Variants in ATG9B observed in about 807,000 individuals in gnomAD.
ATG9B encodes autophagy related 9B, also known as autophagy-related protein 9B.
A neutral mutation model predicts 92.9 loss-of-function variants in ATG9B; 92 were observed. The observed-to-expected ratio is 0.99, with a 90% CI of 0.84 to 1.18. ATG9B has a LOEUF of 1.18. ATG9B is among the 50% of genes most tolerant of loss of function. The pLI is 0.00. For missense variants in ATG9B, 1,344 were observed against 1,235.0 expected (o/e 1.09, Z -1.32); for synonymous variants, 599 against 551.4 (o/e 1.09, Z -1.21).
Position 151,018,739 on chromosome 7 carries a change from G to C in ATG9B, c.1599C>G (p.Phe533Leu), listed in dbSNP as rs1795621365. 6.3e-7 allele frequency: 1 copy of C among 1,575,732 alleles called. No individual in the cohort carries two copies. The highest frequency in any genetic ancestry group is 8.6e-7 in the Non-Finnish European group (1 of 1,165,992). Residue 533 changes from phenylalanine to leucine, a missense_variant, in exon 6 of 14, where the codon TTC becomes TTG. By Grantham distance (22) the Phe-to-Leu change is conservative (BLOSUM62 0). Coordinates refer to ENST00000639579, the MANE Select transcript of ATG9B (RefSeq NM_001317056.2). This position sits in a 1 kb window ranked among gnomAD's most constrained non-coding sequence, Gnocchi z 4.7. ...GCGCGGCGAAGAGTGCACCCGCGAAGAAAACGAGCTGGCGGGCCAGCAGCG... is the reference window on the plus strand; with the variant it reads ...GCGCGGCGAAGAGTGCACCCGCGAACAAAACGAGCTGGCGGGCCAGCAGCG... ...LRTLLARQLVFFAGALFAALL... is the reference protein window; with the variant it reads ...LRTLLARQLVLFAGALFAALL...
Position 151,016,428 on chromosome 7 carries a change from C to T in ATG9B, c.2520+3G>A. 6.4e-7 allele frequency: 1 copy of T among 1,551,278 alleles called. No homozygotes were observed. Among genetic ancestry groups the T allele is most frequent in the South Asian group, 1.2e-5 (1 of 84,044 alleles). ...TTTCTCCTTTGGGCACCCCTCTACT[C>T]ACCTGGTGCAGGTAGATGACATGGA... On this transcript the variant is annotated splice_donor_region_variant and intron_variant, in intron 11 of 13. Transcript: ENST00000639579.
downstream of ATG9B, chr7:151,012,211 G>GT: frequency 1.4e-6 from 1 of 689,922 alleles, no homozygotes; most frequent in Non-Finnish European, 2.3e-6. Context: ...AAGTAGAGTT[G>GT]TTTTTTGTTT....
downstream of ATG9B, chr7:151,013,666 G>A (rs922296337): frequency 2.2e-6 from 3 of 1,340,312 alleles, no homozygotes; most frequent in Admixed American, 2.3e-5. Context: ...CAGCAGCCCC[G>A]GGCTGCGCCC....
In ATG9B at chr7:151,023,949, G is replaced by A. The variant is rs780496371; in HGVS notation, c.475C>T (p.Pro159Ser). 6 of 1,590,282 alleles carry A rather than the reference G, an allele frequency of 3.8e-6. No individual in the cohort carries two copies. Among genetic ancestry groups the A allele is most frequent in the Admixed American group, 1.8e-5 (1 of 56,240 alleles). ...ATGGGTGAGTCTTGGGACCCCTCAG[G>A]GTCACAGTCCTCCAGCCGCTCATAA... is the stretch of plus-strand genomic sequence containing the variant. ...QDYERLEDCDPEGSQDSPIHG... is the reference protein window; with the variant it reads ...QDYERLEDCDSEGSQDSPIHG... Residue 159 changes from proline (P) to serine (S), a missense_variant, in exon 1 of 14, where the codon CCT (proline) becomes TCT (serine). Pro to Ser is a moderately conservative substitution (Grantham distance 74). Coordinates refer to ENST00000639579, the MANE Select transcript of ATG9B (RefSeq NM_001317056.2).
At position 151,024,090 on chromosome 7, in the gene ATG9B, G is replaced by T; in HGVS notation, c.334C>A (p.Pro112Thr). 1 of 1,605,846 alleles carries T rather than the reference G, an allele frequency of 6.2e-7. No homozygotes were observed. The highest frequency in any genetic ancestry group is 8.5e-7 in the Non-Finnish European group (1 of 1,176,448). The change falls in exon 1 of 14, where the codon CCC (proline) becomes ACC (threonine). Residue 112 changes from proline to threonine, a missense_variant. Transcript: ENST00000639579. Reference protein sequence around the residue: ...QPAMTPASASPSWGSHSTPPL... With the variant: ...QPAMTPASASTSWGSHSTPPL... ...GGGGTGGAGTGGGATCCCCAGGAGG[G>T]AGATGCAGAGGCAGGTGTCATTGCA...
Position 151,018,005 on chromosome 7 carries a change from A to T in ATG9B, c.1918T>A (p.Phe640Ile). The change falls in exon 8 of 14, where the codon TTT (phenylalanine) becomes ATT (isoleucine). Residue 640 changes from phenylalanine (F) to isoleucine (I), a missense_variant. Phe to Ile is a conservative substitution (Grantham distance 21, BLOSUM62 0). Transcript: ENST00000639579. This position sits in a 1 kb window ranked among gnomAD's most constrained non-coding sequence, Gnocchi z 4.7. ...CGAGGGCGGAACCAGAAAAGCAGAA[A>T]CAGCGGGGTGAGGAGCGGGGACAGG... is the stretch of plus-strand genomic sequence containing the variant. ...ELLSPLLTPLFLLFWFRPRAL... is the reference protein window; with the variant it reads ...ELLSPLLTPLILLFWFRPRAL... The T allele has an allele frequency of 1.2e-5, 19 of 1,602,978 alleles. No homozygotes were observed. Among genetic ancestry groups the T allele is most frequent in the Non-Finnish European group, 1.6e-5 (19 of 1,174,438 alleles).
At position 151,021,286 on chromosome 7, in the gene ATG9B, C is replaced by A; in HGVS notation, c.865G>T (p.Ala289Ser). Residue 289 changes from alanine to serine, a missense_variant, in exon 5 of 14, where the codon GCC becomes TCC. Physicochemically the swap from Ala to Ser is moderately conservative, Grantham distance 99. Transcript: ENST00000639579. ...PLLVLLLVLA[A>S]GFWLVQLLRS... ...AGCAGTTGGACCAGCCAGAAGCCGG[C>A]AGCCAGGACCAGGAGGAGGACCAGC... 2 of 1,613,302 alleles carry A rather than the reference C, an allele frequency of 1.2e-6. No homozygotes were observed. Among genetic ancestry groups the A allele is most frequent in the East Asian group, 4.5e-5 (2 of 44,862 alleles).
intron 4 of ATG9B, among the ~76,000 whole-genome samples, chr7:151,021,723 C>A (rs1189280329): frequency 6.6e-6 from 1 of 150,556 alleles, no homozygotes; most frequent in Non-Finnish European, 1.5e-5. Context: ...AATCTTGGCT[C>A]ACTGCAACCT....
intron 4 of ATG9B, 75 bp from the exon 5 acceptor site, chr7:151,021,404 A>G (rs1288148207): frequency 1.4e-6 from 2 of 1,480,218 alleles, no homozygotes; most frequent in Non-Finnish European, 1.8e-6. Flanking sequence ...TTCGGGAGTG[A>G]GGAAAAACCA....
In ATG9B at chr7:151,018,486, TAGG is replaced by T; in HGVS notation, c.1719-42_1719-40del. ...TCCGTGGGGGGAAGGGGCCTGCGAT[TAGG>T]AGGACGCGCGGTGGGATGTAGGGCT... On this transcript the variant is annotated intron_variant, in intron 6 of 13. Transcript: ENST00000639579. The surrounding 1 kb of genome is among the most constrained non-coding windows in gnomAD (Gnocchi z 4.7). The T allele has an allele frequency of 6.6e-7, 1 of 1,514,396 alleles. No individual in the cohort carries two copies. The highest frequency in any genetic ancestry group is 8.8e-7 in the Non-Finnish European group (1 of 1,132,864). The allele number at this position is 1,514,396 out of a possible 1,614,324, so 93.8% of individuals were successfully genotyped here. A position where few individuals can be genotyped will look rare whatever the true frequency, so the allele number is the denominator to read the frequency against.
In ATG9B at chr7:151,024,436, T is replaced by C; in HGVS notation, c.-13A>G. The C allele has an allele frequency of 7.5e-7, 1 of 1,331,688 alleles. No homozygotes were observed. The highest frequency in any genetic ancestry group is 9.7e-7 in the Non-Finnish European group (1 of 1,035,726). The allele number at this position is 1,331,688 out of a possible 1,614,324, so 82.5% of individuals were successfully genotyped here. ...TTCGGCTCACCATCAGGCCACGGCT[T>C]CTCCAGAAAGGTTGGAAGGATGGGA... On this transcript the variant is annotated 5_prime_UTR_variant, in exon 1 of 14. Coordinates refer to ENST00000639579, the MANE Select transcript of ATG9B (RefSeq NM_001317056.2).
Position 151,018,496 on chromosome 7 carries a change from C to A in ATG9B, c.1719-49G>T. 3 of 1,511,776 alleles carry A rather than the reference C, an allele frequency of 2.0e-6. No individual in the cohort carries two copies. The highest frequency in any genetic ancestry group is 1.3e-5 in the South Asian group (1 of 76,714). The allele number at this position is 1,511,776 out of a possible 1,614,324, so 93.6% of individuals were successfully genotyped here. ...GAAGGGGCCTGCGATTAGGAGGACG[C>A]GCGGTGGGATGTAGGGCTAGAGGGC... On this transcript the variant is annotated intron_variant, in intron 6 of 13. Transcript: ENST00000639579. This position sits in a 1 kb window ranked among gnomAD's most constrained non-coding sequence, Gnocchi z 4.7.
At chr7:151,017,632 C>T (rs6946598) in intron 8 of ATG9B, among the ~76,000 whole-genome samples, 64,463 of 152,102 alleles carry the variant, frequency 0.42, 15,655 homozygotes, top group African/African-American at 0.67. Flanking sequence ...GCAACTCCAT[C>T]ATAGGCTATA....
rs1439016422 is a variant in ATG9B at position 151,016,496 on chromosome 7, T to G, written c.2455A>C (p.Lys819Gln). The G allele has an allele frequency of 6.4e-7, 1 of 1,551,148 alleles. No homozygotes were observed. The highest frequency in any genetic ancestry group is 2.4e-5 in the East Asian group (1 of 40,898). Residue 819 changes from lysine to glutamine, a missense_variant, in exon 11 of 14, where the codon AAG (lysine) becomes CAG (glutamine). Physicochemically the swap from Lys to Gln is moderately conservative, Grantham distance 53. Transcript: ENST00000639579. Reference protein sequence around the residue: ...SVSPGGTGGQKLAQLPELASA... With the variant: ...SVSPGGTGGQQLAQLPELASA... ...GCAAGTTCTGGGAGCTGGGCCAGCTTCTGGCCCCCAGTGCCTCCTGGGGAC... is the reference window on the plus strand; with the variant it reads ...GCAAGTTCTGGGAGCTGGGCCAGCTGCTGGCCCCCAGTGCCTCCTGGGGAC...
chr7:151,023,793 G>GCT, intron 1 of ATG9B, 63 bp from the exon 2 acceptor site: 1 of 1,612,354 alleles, frequency 6.2e-7, no homozygotes, highest in Non-Finnish European at 8.5e-7. Flanking sequence ...TTCTCAACCC[G>GCT]CTGCCAGAGG....
chr7:151,013,473 C>T (rs1795353813), downstream of ATG9B: 5 of 1,462,914 alleles, frequency 3.4e-6, no homozygotes, highest in South Asian at 5.3e-5. Flanking sequence ...ACGGCCCTCC[C>T]GTGGCCTCCC....
Position 151,019,353 on chromosome 7 carries a change from A to C in ATG9B, c.985T>G (p.Trp329Gly). The change falls in exon 6 of 14, where the codon TGG becomes GGG. Residue 329 changes from tryptophan (W) to glycine (G), a missense_variant. Coordinates refer to ENST00000639579, the MANE Select transcript of ATG9B (RefSeq NM_001317056.2). ...IPPEELSSVP[W>G]AEVQSRLLAL... ...AAGAGGCGGGACTGCACCTCTGCCC[A>C]GGGAACCGAGCTCAGCTCCTCCTGA... The C allele has an allele frequency of 6.5e-7, 1 of 1,529,988 alleles. No individual in the cohort carries two copies. The highest frequency in any genetic ancestry group is 2.0e-5 in the Admixed American group (1 of 50,730). 94.8% of individuals were successfully genotyped at this position (1,529,988 alleles called of 1,614,324 possible). A position where few individuals can be genotyped will look rare whatever the true frequency, so the allele number is the denominator to read the frequency against.
chr7:151,012,321 G>C, downstream of ATG9B: 2 of 1,519,048 alleles, frequency 1.3e-6, no homozygotes, highest in Admixed American at 2.0e-5. Context: ...GAAAGGCAAA[G>C]GGGACCTGAT....
chr7:151,014,213 C>T (rs199762416), downstream of ATG9B: 4 of 1,552,434 alleles, frequency 2.6e-6, no homozygotes, highest in East Asian at 4.7e-5. Context: ...AGCGGCTGCC[C>T]GACTCAGGTC....
Sources: allele counts gnomAD v4.1 joint callset (sites outside exome capture counted in the v4.1 genomes callset), GRCh38; gene constraint gnomAD v4.1.1; non-coding constraint Gnocchi (gnomAD v3.1); transcripts MANE v1.5; gene names NCBI Gene and HGNC (gene_info 2026-07-23, HGNC 2026-07-21).